Variants in LMO1 observed in about 807,000 individuals in gnomAD.
LMO1 encodes the protein LIM domain only 1, also known as rhombotin-1.
A neutral mutation model predicts 18.0 loss-of-function variants in LMO1; 10 were observed. That is an observed-to-expected ratio of 0.55 (90% CI 0.34 to 0.94). The LOEUF is 0.94. Among genes scored for constraint, LMO1 ranks in the 40% least tolerant of loss-of-function variants. LMO1 has a pLI of 0.02. For synonymous variants in LMO1, 77 were observed against 77.9 expected (o/e 0.99, Z 0.06); for missense variants, 183 against 205.7 (o/e 0.89, Z 0.68).
chr11:8,244,771 G>T (rs1463645137), intron 1 of LMO1, among the ~76,000 whole-genome samples: 3 of 152,194 alleles, frequency 2.0e-5, no homozygotes, highest in Non-Finnish European at 4.4e-5. Context: ...TCCCAACATG[G>T]GAGATCTCTT....
chr11:8,241,370 G>T (rs1045655538), intron 1 of LMO1, among the ~76,000 whole-genome samples: 1 of 152,188 alleles, frequency 6.6e-6, no homozygotes, highest in Non-Finnish European at 1.5e-5. Context: ...TTCTTCACAC[G>T]GCAGCTGGAG....
In LMO1 at chr11:8,230,284, A is replaced by C; in HGVS notation, c.239+7T>G. ...AGGGCTTGGGAGGCCAGGGTTTGGC[A>C]GCCCACCTCAGGTAGTCGCGTCGGC... On this transcript the variant is annotated splice_region_variant and intron_variant, in intron 2 of 3. Transcript: ENST00000335790. 1 of 1,612,788 alleles carries C rather than the reference A, an allele frequency of 6.2e-7. No individual in the cohort carries two copies. Among genetic ancestry groups the C allele is most frequent in the Non-Finnish European group, 8.5e-7 (1 of 1,179,600 alleles).
chr11:8,251,406 C>T (rs1028085857), intron 1 of LMO1, among the ~76,000 whole-genome samples: 1 of 152,204 alleles, frequency 6.6e-6, no homozygotes, highest in African/African-American at 2.4e-5. Flanking sequence ...CTTTACCCAG[C>T]CTGCCTCAAA....
At chr11:8,260,584 ATT>A (rs34722553) in intron 1 of LMO1, among the ~76,000 whole-genome samples, 8 of 151,500 alleles carry the variant, frequency 5.3e-5, no homozygotes, top group South Asian at 2.1e-4. Context: ...GCAAAAAAAA[ATT>A]TTTTTTTTCT....
intron 3 of LMO1, 50 bp downstream of exon 3, chr11:8,226,925 C>T (rs1193882813): frequency 1.3e-6 from 2 of 1,573,308 alleles, no homozygotes; most frequent in Non-Finnish European, 1.7e-6. Context: ...CCCAGCAGGC[C>T]TCAGGCTGGC....
chr11:8,266,205 G>C (rs1188728865), upstream of LMO1, among the ~76,000 whole-genome samples: 1 of 152,196 alleles, frequency 6.6e-6, no homozygotes, highest in Non-Finnish European at 1.5e-5. Context: ...GATCTGGAGA[G>C]GAACCTTCAC....
Position 8,224,523 on chromosome 11 carries a change from C to A in LMO1, c.*93G>T. On this transcript the variant is annotated 3_prime_UTR_variant, in exon 4 of 4. Transcript: ENST00000335790. ...TCTAATGTGGCAGGAGAGCGGCTGGCCAGCCTGCACTGGTAGAGTGGCTGG... is the reference window on the plus strand; with the variant it reads ...TCTAATGTGGCAGGAGAGCGGCTGGACAGCCTGCACTGGTAGAGTGGCTGG... The A allele has an allele frequency of 2.8e-6, 2 of 722,508 alleles. No individual in the cohort carries two copies. The highest frequency in any genetic ancestry group is 4.7e-6 in the Non-Finnish European group (2 of 423,354). 44.8% of individuals were successfully genotyped at this position (722,508 alleles called of 1,614,324 possible).
intron 1 of LMO1, among the ~76,000 whole-genome samples, chr11:8,246,941 T>C (rs1846905166): frequency 6.6e-6 from 1 of 152,100 alleles, no homozygotes; most frequent in Non-Finnish European, 1.5e-5. Flanking sequence ...AGCACCCCCT[T>C]ACCTCCTTCC....
At chr11:8,229,185 G>A (rs2134518525) in intron 2 of LMO1, among the ~76,000 whole-genome samples, 1 of 152,268 alleles carries the variant, frequency 6.6e-6, no homozygotes, top group East Asian at 1.9e-4. Flanking sequence ...ACCGCGCCTA[G>A]CCTGAACATT....
In LMO1 at chr11:8,236,676, C is replaced by T. The variant is rs553040706; in HGVS notation, c.26-6172G>A. ...TGCAGGACACATGCACAGCAGCACA[C>T]AGATACTTCCCCACGTCCACATGAT... is the stretch of plus-strand genomic sequence containing the variant. On this transcript the variant is annotated intron_variant, in intron 1 of 3. Transcript: ENST00000335790. Among the ~76,000 whole-genome samples the T allele has an allele frequency of 2.0e-5, 3 of 152,250 alleles. No homozygotes were observed. The East Asian group carries it at 5.8e-4, about 29-fold the overall frequency.
intron 2 of LMO1, among the ~76,000 whole-genome samples, chr11:8,229,376 C>A (rs1055054029): frequency 3.3e-5 from 5 of 152,196 alleles, no homozygotes; most frequent in African/African-American, 1.2e-4. Context: ...CCCCTTGCAA[C>A]ATGCCCAGAC....
upstream of LMO1, among the ~76,000 whole-genome samples, chr11:8,264,515 C>T (rs892865193): frequency 6.6e-6 from 1 of 152,136 alleles, no homozygotes; most frequent in Non-Finnish European, 1.5e-5. Context: ...AGACAGTGCC[C>T]ATCTCTTCTC....
At chr11:8,264,199 G>T (rs1160764118), upstream of LMO1, among the ~76,000 whole-genome samples, 5 of 148,190 alleles carry the variant, frequency 3.4e-5, no homozygotes, top group Admixed American at 2.7e-4. Context: ...CGGATTGTTT[G>T]GCAAAGTTAA....
chr11:8,242,328 G>C (rs559142437), intron 1 of LMO1, among the ~76,000 whole-genome samples: 8 of 152,170 alleles, frequency 5.3e-5, no homozygotes, highest in Non-Finnish European at 1.2e-4. Context: ...CAGCCCTCAG[G>C]GGGTAGCGGG....
chr11:8,249,399 C>T (rs1846949817), intron 1 of LMO1, among the ~76,000 whole-genome samples: 1 of 152,192 alleles, frequency 6.6e-6, no homozygotes. Context: ...TATCCCCTCC[C>T]ATTTGCTCTC....
intron 1 of LMO1, among the ~76,000 whole-genome samples, chr11:8,248,897 T>C (rs1846940436): frequency 1.3e-5 from 2 of 152,104 alleles, no homozygotes; most frequent in African/African-American, 4.8e-5. Flanking sequence ...AAAGCCAGGA[T>C]TGTGGTCCAG....
intron 1 of LMO1, among the ~76,000 whole-genome samples, chr11:8,252,661 C>G (rs953918461): frequency 2.0e-5 from 3 of 152,238 alleles, no homozygotes; most frequent in Non-Finnish European, 4.4e-5. Context: ...GCATGGCCAC[C>G]ATGGCCAGCA....
At chr11:8,239,051 C>A (rs1952809676) in intron 1 of LMO1, among the ~76,000 whole-genome samples, 1 of 152,230 alleles carries the variant, frequency 6.6e-6, no homozygotes, top group Admixed American at 6.5e-5. Context: ...CCCCATTTCA[C>A]AGATGAGAAG....
At chr11:8,252,004 G>A (rs1847009792) in intron 1 of LMO1, among the ~76,000 whole-genome samples, 1 of 151,868 alleles carries the variant, frequency 6.6e-6, no homozygotes, top group Non-Finnish European at 1.5e-5. Context: ...GTGTGTGTGT[G>A]TGAATGTGTG....
Sources: allele counts gnomAD v4.1 joint callset (sites outside exome capture counted in the v4.1 genomes callset), GRCh38; gene constraint gnomAD v4.1.1; transcripts MANE v1.5; gene names NCBI Gene and HGNC (gene_info 2026-07-23, HGNC 2026-07-21).